Variants in CNTN6 observed in about 807,000 individuals in gnomAD.
CNTN6 encodes contactin 6.
CNTN6 carries 137 observed loss-of-function variants against 122.8 expected under a neutral mutation model. That is an observed-to-expected ratio of 1.12 (90% CI 0.97 to 1.29). The LOEUF (loss-of-function observed/expected upper bound fraction) is 1.29, where lower values mean the gene tolerates loss of function less well. CNTN6 is among the 50% of genes most tolerant of loss of function. CNTN6 has a pLI of 0.00. For synonymous variants in CNTN6, 570 were observed against 426.0 expected (o/e 1.34, Z -4.16); for missense variants, 1,634 against 1,223.4 (o/e 1.34, Z -5.01).
Position 1,313,225 on chromosome 3 carries a change from G to A in CNTN6, c.762-8425G>A, listed in dbSNP as rs369409639. On this transcript the variant is annotated intron_variant, in intron 7 of 22. Transcript: ENST00000446702. ...ATTATAGACAAGCTGTTAGTGAACTGCTAAGTGCAGTATCATATTCAGCTC... is the reference window on the plus strand; with the variant it reads ...ATTATAGACAAGCTGTTAGTGAACTACTAAGTGCAGTATCATATTCAGCTC... Among the ~76,000 whole-genome samples the A allele has an allele frequency of 3.3e-5, 5 of 152,194 alleles. No individual in the cohort carries two copies. In the East Asian group the frequency reaches 9.7e-4, roughly 29 times the overall value.
intron 16 of CNTN6, among the ~76,000 whole-genome samples, chr3:1,376,188 C>G (rs1436794215): frequency 1.3e-5 from 2 of 152,112 alleles, no homozygotes; most frequent in African/African-American, 4.8e-5. Flanking sequence ...AACACTTACG[C>G]ATGTGTAAAG....
intron 16 of CNTN6, among the ~76,000 whole-genome samples, chr3:1,375,943 T>C (rs1425465482): frequency 6.6e-6 from 1 of 152,076 alleles, no homozygotes; most frequent in Non-Finnish European, 1.5e-5. Context: ...GTGGTCTATA[T>C]GGTGGGGAAA....
rs570065634 is a variant in CNTN6 at position 1,206,869 on chromosome 3, C to T, written c.56-13818C>T. ...GCTTCTTTAATTTTAGATTCTAGTC[C>T]ATCACTCTCATAGGACACTCCTACA... On this transcript the variant is annotated intron_variant, in intron 2 of 22. Transcript: ENST00000446702. Among the ~76,000 whole-genome samples the T allele has an allele frequency of 1.4e-4, 21 of 152,202 alleles. No homozygotes were observed. The South Asian group carries it at 4.4e-3, about 32-fold the overall frequency.
intron 1 of CNTN6, among the ~76,000 whole-genome samples, chr3:1,094,310 AAAAC>A (rs1166005056): frequency 2.7e-4 from 41 of 152,206 alleles, no homozygotes; most frequent in Non-Finnish European, 8.8e-5. Flanking sequence ...GCATGTTCAC[AAAAC>A]AAACATAAAC....
chr3:1,257,644 G>T (rs536534273), intron 4 of CNTN6, among the ~76,000 whole-genome samples: 1 of 152,122 alleles, frequency 6.6e-6, no homozygotes, highest in Admixed American at 6.6e-5. Context: ...TTCTGCTGTG[G>T]AGGCAGTACA....
intron 21 of CNTN6, 71 bp downstream of exon 21, chr3:1,401,616 G>T (rs1695720400): frequency 1.9e-6 from 2 of 1,036,464 alleles, no homozygotes; most frequent in Non-Finnish European, 2.9e-6. Context: ...ACACCCAAAT[G>T]GAAAACAAAT....
In CNTN6 at chr3:1,145,554, A is replaced by G. The variant is rs866254394; in HGVS notation, c.-82-2373A>G. Among the ~76,000 whole-genome samples the G allele has an allele frequency of 6.6e-5, 10 of 152,278 alleles. No individual in the cohort carries two copies. In the South Asian group the frequency reaches 8.3e-4, roughly 13 times the overall value. Reference sequence around the variant, plus strand: ...ACCATGTAATTTACGTTATAAGCTGAGGCTTTTTTGAGAAAAAGAGTCTAT... The same window carrying G: ...ACCATGTAATTTACGTTATAAGCTGGGGCTTTTTTGAGAAAAAGAGTCTAT... On this transcript the variant is annotated intron_variant, in intron 1 of 22. Coordinates refer to ENST00000446702, the MANE Select transcript of CNTN6 (RefSeq NM_001289080.2).
intron 11 of CNTN6, among the ~76,000 whole-genome samples, chr3:1,332,248 G>T (rs2126007084): frequency 1.3e-5 from 2 of 151,956 alleles, no homozygotes; most frequent in Middle Eastern, 6.8e-3. Context: ...ATTTTCAAAA[G>T]GTCACACAGT....
At chr3:1,140,568 G>A (rs1369388850) in intron 1 of CNTN6, among the ~76,000 whole-genome samples, 2 of 152,092 alleles carry the variant, frequency 1.3e-5, no homozygotes. Context: ...TTCACTGAAA[G>A]TATGATTTTT....
chr3:1,109,838 A>T (rs1415991861), intron 1 of CNTN6, among the ~76,000 whole-genome samples: 1 of 152,070 alleles, frequency 6.6e-6, no homozygotes, highest in South Asian at 2.1e-4. Context: ...AAAGAAACTA[A>T]AGAGATTTAA....
chr3:1,109,262 G>A (rs1504077), intron 1 of CNTN6, among the ~76,000 whole-genome samples: 142,113 of 152,160 alleles, frequency 0.93, 66,472 homozygotes, highest in East Asian at 0.99. Context: ...TTTCATATAC[G>A]AATGCAGTGG....
intron 3 of CNTN6, among the ~76,000 whole-genome samples, 156 bp downstream of exon 3, chr3:1,220,969 A>G (rs570805426): frequency 6.6e-6 from 1 of 152,302 alleles, no homozygotes; most frequent in South Asian, 2.1e-4. Context: ...CACTCAGATA[A>G]AGATATAGGC....
chr3:1,371,054 C>T (rs1025504750), intron 12 of CNTN6, among the ~76,000 whole-genome samples: 3 of 151,918 alleles, frequency 2.0e-5, no homozygotes, highest in Non-Finnish European at 4.4e-5. Flanking sequence ...ATTATTACTT[C>T]CTACTTTCTA....
intron 7 of CNTN6, among the ~76,000 whole-genome samples, chr3:1,307,051 A>G (rs1034931033): frequency 2.0e-5 from 3 of 152,168 alleles, no homozygotes; most frequent in Non-Finnish European, 2.9e-5. Context: ...GGGATTCTCC[A>G]AAGGACAGAC....
intron 2 of CNTN6, among the ~76,000 whole-genome samples, chr3:1,218,566 C>T (rs564874833): frequency 4.6e-5 from 7 of 152,060 alleles, no homozygotes; most frequent in South Asian, 2.1e-4. Flanking sequence ...GGGAAGAGGA[C>T]GCTGACAGTG....
intron 4 of CNTN6, among the ~76,000 whole-genome samples, chr3:1,253,371 C>A (rs1457687150): frequency 6.6e-6 from 1 of 152,082 alleles, no homozygotes; most frequent in Non-Finnish European, 1.5e-5. Flanking sequence ...CACCCTTTTC[C>A]ATGGAATAAA....
At chr3:1,225,992 C>T (rs971522324) in intron 3 of CNTN6, among the ~76,000 whole-genome samples, 7 of 152,122 alleles carry the variant, frequency 4.6e-5, no homozygotes, top group Non-Finnish European at 7.4e-5. Context: ...TTGTCAGATT[C>T]TCCCCATGGG....
intron 1 of CNTN6, among the ~76,000 whole-genome samples, chr3:1,105,517 A>G (rs6797539): frequency 0.065 from 9,839 of 152,252 alleles, 423 homozygotes; most frequent in Non-Finnish European, 0.089. Flanking sequence ...TTTGAACCTC[A>G]GTTTTCAAAT....
rs144656989 is a variant in CNTN6 at position 1,236,624 on chromosome 3, G to A, written c.358+8631G>A. On this transcript the variant is annotated intron_variant, in intron 4 of 22. Coordinates refer to ENST00000446702, the MANE Select transcript of CNTN6 (RefSeq NM_001289080.2). ...ATATTCCCTCTGACATAATGTACCC[G>A]AATGAGAAGAAACCAGAGAGACAAT... Among the ~76,000 whole-genome samples, 519 of 152,214 alleles carry A rather than the reference G, an allele frequency of 3.4e-3. 6 individuals carry two copies. The highest frequency in any genetic ancestry group is 0.011 in the African/African-American group (473 of 41,530).
Sources: allele counts gnomAD v4.1 joint callset (sites outside exome capture counted in the v4.1 genomes callset), GRCh38; gene constraint gnomAD v4.1.1; transcripts MANE v1.5; gene names NCBI Gene and HGNC (gene_info 2026-07-23, HGNC 2026-07-21).